The following KCNIP4 variants were observed in gnomAD, a reference collection of about 807,000 sequenced individuals.
KCNIP4 encodes Kv channel-interacting protein 4.
In KCNIP4, 12 loss-of-function variants were observed where a neutral mutation model predicts 34.0. The ratio of observed to expected loss-of-function variants is 0.35; its 90% CI spans 0.23 to 0.57. The LOEUF (loss-of-function observed/expected upper bound fraction) is 0.57, where lower values mean the gene tolerates loss of function less well. Ranked by LOEUF, KCNIP4 falls within the 20% of genes least tolerant of loss-of-function variation. The probability of loss-of-function intolerance (pLI) is 0.83; values close to 1 mark genes in which losing one functional copy is unlikely to be tolerated. For missense variants in KCNIP4, 238 were observed against 311.7 expected (o/e 0.76, Z 1.78); for synonymous variants, 124 against 102.2 (o/e 1.21, Z -1.29).
intron 1 of KCNIP4, among the ~76,000 whole-genome samples, chr4:21,704,375 G>C (rs933681888): frequency 3.3e-5 from 5 of 152,052 alleles, no homozygotes; most frequent in African/African-American, 1.2e-4. Flanking sequence ...TGGCATCAAA[G>C]TTTAATACTT....
At chr4:21,017,855 T>C (rs1396820845) in intron 1 of KCNIP4, among the ~76,000 whole-genome samples, 4 of 152,168 alleles carry the variant, frequency 2.6e-5, no homozygotes, top group African/African-American at 9.7e-5. Flanking sequence ...CAACATCTGT[T>C]GCTTCTTGAC....
At chr4:21,597,986 T>A (rs1194116868) in intron 1 of KCNIP4, among the ~76,000 whole-genome samples, 2 of 152,156 alleles carry the variant, frequency 1.3e-5, no homozygotes, top group African/African-American at 4.8e-5. Context: ...TAAATAATTA[T>A]GAACTGTTGA....
At chr4:21,065,906 T>C (rs1744341803) in intron 1 of KCNIP4, among the ~76,000 whole-genome samples, 1 of 151,860 alleles carries the variant, frequency 6.6e-6, no homozygotes, top group African/African-American at 2.4e-5. Context: ...TGATTTATTT[T>C]AATATTTGTG....
intron 1 of KCNIP4, among the ~76,000 whole-genome samples, chr4:21,643,068 A>G (rs1746729786): frequency 6.6e-6 from 1 of 152,202 alleles, no homozygotes; most frequent in South Asian, 2.1e-4. Context: ...TAATGAAATA[A>G]GAGTTACAGC....
chr4:20,769,793 C>CT (rs1755715374), intron 3 of KCNIP4, among the ~76,000 whole-genome samples: 1 of 152,188 alleles, frequency 6.6e-6, no homozygotes, highest in African/African-American at 2.4e-5. Context: ...GCCCAGGTCC[C>CT]TGTAACCTTT....
intron 3 of KCNIP4, among the ~76,000 whole-genome samples, chr4:20,812,926 T>C (rs1715946323): frequency 7.7e-6 from 1 of 130,046 alleles, no homozygotes; most frequent in Non-Finnish European, 1.7e-5. Context: ...ATTTCTTGTT[T>C]GTGTGTGAGT....
rs554804243 is a variant in KCNIP4 at position 21,690,966 on chromosome 4, CAAT to C, written c.61+257602_61+257604del. Among the ~76,000 whole-genome samples, 9 of 152,166 alleles carry C rather than the reference CAAT, an allele frequency of 5.9e-5. 1 individual carries two copies. The South Asian group carries it at 1.5e-3, about 25-fold the overall frequency. On this transcript the variant is annotated intron_variant, in intron 1 of 8. Transcript: ENST00000382152. ...TTTTACTGTCAAAGTAAAAGATAAA[CAAT>C]GATAGCAAACGATGTGGTAGAATGA...
intron 3 of KCNIP4, among the ~76,000 whole-genome samples, chr4:20,843,397 A>G (rs959873753): frequency 1.3e-5 from 2 of 152,214 alleles, no homozygotes; most frequent in Non-Finnish European, 2.9e-5. Flanking sequence ...AAACCTCTGT[A>G]TGATTTCAAA....
At chr4:21,813,201 C>G (rs1721768947) in intron 1 of KCNIP4, among the ~76,000 whole-genome samples, 1 of 152,194 alleles carries the variant, frequency 6.6e-6, no homozygotes, top group South Asian at 2.1e-4. Flanking sequence ...CATATCACCT[C>G]TGCAACAAAT....
chr4:21,360,760 G>A (rs973351266), intron 1 of KCNIP4, among the ~76,000 whole-genome samples: 1 of 151,922 alleles, frequency 6.6e-6, no homozygotes, highest in African/African-American at 2.4e-5. Flanking sequence ...TAAAAACGTA[G>A]GTGAAACAGC....
Position 21,426,727 on chromosome 4 carries a change from G to C in KCNIP4, c.61+521844C>G, listed in dbSNP as rs117957765. On this transcript the variant is annotated intron_variant, in intron 1 of 8. Coordinates refer to ENST00000382152, the MANE Select transcript of KCNIP4 (RefSeq NM_025221.6). ...CAAATATTTATTGAGCATCTACTAA[G>C]AGCCAGGTCACGTTTTAAGCACTGG... 4.0e-5 allele frequency among the ~76,000 whole-genome samples: 6 copies of C among 151,714 alleles called. No individual in the cohort carries two copies. The East Asian group carries it at 1.2e-3, about 30-fold the overall frequency.
At chr4:21,024,459 A>G (rs1740353193) in intron 1 of KCNIP4, among the ~76,000 whole-genome samples, 1 of 152,212 alleles carries the variant, frequency 6.6e-6, no homozygotes, top group Admixed American at 6.5e-5. Context: ...AATTTTGGCA[A>G]ACCTTGAATC....
chr4:21,070,426 T>A (rs1744789113), intron 1 of KCNIP4, among the ~76,000 whole-genome samples: 2 of 151,458 alleles, frequency 1.3e-5, no homozygotes, highest in African/African-American at 2.4e-5. Flanking sequence ...TTAACTAGTT[T>A]TTTGAGTGGT....
At chr4:21,584,698 T>G (rs1741483235) in intron 1 of KCNIP4, among the ~76,000 whole-genome samples, 1 of 152,252 alleles carries the variant, frequency 6.6e-6, no homozygotes, top group South Asian at 2.1e-4. Context: ...GGGAAAATTC[T>G]AAATTCAATC....
At chr4:21,900,841 A>C (rs569908301) in intron 1 of KCNIP4, among the ~76,000 whole-genome samples, 2 of 152,280 alleles carry the variant, frequency 1.3e-5, no homozygotes, top group African/African-American at 2.4e-5. Flanking sequence ...AAATATACTG[A>C]GTTTTCTGTG....
chr4:21,880,760 C>G (rs538298740), intron 1 of KCNIP4, among the ~76,000 whole-genome samples: 1 of 152,150 alleles, frequency 6.6e-6, no homozygotes, highest in African/African-American at 2.4e-5. Context: ...CAGCAAATGG[C>G]AATGCTAGAA....
At chr4:21,443,650 A>T (rs983080171) in intron 1 of KCNIP4, among the ~76,000 whole-genome samples, 2 of 152,132 alleles carry the variant, frequency 1.3e-5, no homozygotes, top group Non-Finnish European at 2.9e-5. Flanking sequence ...ATTTGGACTC[A>T]AGATTGAACA....
At chr4:21,532,491 G>A (rs1736770660) in intron 1 of KCNIP4, among the ~76,000 whole-genome samples, 1 of 152,144 alleles carries the variant, frequency 6.6e-6, no homozygotes, top group Admixed American at 6.5e-5. Flanking sequence ...TGTTGTGCAT[G>A]CTGAAAGACC....
At chr4:21,165,726 C>T (rs1165930501) in intron 1 of KCNIP4, among the ~76,000 whole-genome samples, 2 of 152,230 alleles carry the variant, frequency 1.3e-5, no homozygotes, top group East Asian at 1.9e-4. Flanking sequence ...TTTAAAGACA[C>T]TGACAGGAAA....
Sources: allele counts gnomAD v4.1 joint callset (sites outside exome capture counted in the v4.1 genomes callset), GRCh38; gene constraint gnomAD v4.1.1; transcripts MANE v1.5; gene names NCBI Gene and HGNC (gene_info 2026-07-23, HGNC 2026-07-21).